CRTC1: variants seen among roughly 807,000 people sequenced by gnomAD.
CRTC1 encodes the protein CREB-regulated transcription coactivator 1.
CRTC1 carries 18 observed loss-of-function variants against 66.1 expected under a neutral mutation model. That is an observed-to-expected ratio of 0.27 (90% CI 0.19 to 0.40). CRTC1 has a LOEUF of 0.40. Among genes scored for constraint, CRTC1 ranks in the 10% least tolerant of loss-of-function variants. CRTC1 has a pLI of 1.00. For synonymous variants in CRTC1, 416 were observed against 398.8 expected (o/e 1.04, Z -0.51); for missense variants, 669 against 887.9 (o/e 0.75, Z 3.13).
At chr19:18,716,165 C>T (rs10221489) in intron 1 of CRTC1, among the ~76,000 whole-genome samples, 57,531 of 151,742 alleles carry the variant, frequency 0.38, 11,357 homozygotes, top group East Asian at 0.64. Flanking sequence ...CAGCCACAGC[C>T]CACCCTTGTT....
At chr19:18,749,243 T>A (rs1392131493) in intron 4 of CRTC1, among the ~76,000 whole-genome samples, 1 of 152,148 alleles carries the variant, frequency 6.6e-6, no homozygotes, top group East Asian at 1.9e-4. Flanking sequence ...GTGGCTTCAT[T>A]CCTTCCGGGG....
chr19:18,688,335 G>A (rs543025010), intron 1 of CRTC1, among the ~76,000 whole-genome samples: 12 of 152,234 alleles, frequency 7.9e-5, no homozygotes, highest in Non-Finnish European at 1.5e-4. Context: ...TGGCGAGTTT[G>A]AGAATGGGTG....
intron 1 of CRTC1, among the ~76,000 whole-genome samples, chr19:18,684,677 C>T (rs916484496): frequency 2.6e-5 from 4 of 151,992 alleles, no homozygotes; most frequent in Non-Finnish European, 4.4e-5. Flanking sequence ...CAGCCCCTGC[C>T]CTCTCAGGAC....
At chr19:18,731,089 G>A (rs892728447) in intron 1 of CRTC1, among the ~76,000 whole-genome samples, 1 of 152,144 alleles carries the variant, frequency 6.6e-6, no homozygotes, top group Non-Finnish European at 1.5e-5. Flanking sequence ...AAACAGTACT[G>A]CCTCTGCCTC....
rs563229106 is a variant in CRTC1 at position 18,779,971 on chromosome 19, C to G, written c.*2589C>G. ...CGGGCCTCCCAGGGGGTCTGTATCA[C>G]GGCCTTTTGTGTGTGCGTACGTGTG... On this transcript the variant is annotated 3_prime_UTR_variant, in exon 14 of 14. Coordinates refer to ENST00000321949, the MANE Select transcript of CRTC1 (RefSeq NM_015321.3). 4.4e-6 allele frequency: 1 copy of G among 229,106 alleles called. No individual in the cohort carries two copies. The allele number at this position is 229,106 out of a possible 1,614,324, so 14.2% of individuals were successfully genotyped here.
chr19:18,753,284 TAAA>T (rs1430643026), intron 5 of CRTC1, among the ~76,000 whole-genome samples: 1 of 112,026 alleles, frequency 8.9e-6, no homozygotes, highest in Non-Finnish European at 2.1e-5. Context: ...TCTAAATAAA[TAAA>T]TAAATAAATA....
chr19:18,716,559 A>G (rs10404680), intron 1 of CRTC1, among the ~76,000 whole-genome samples: 5,748 of 152,270 alleles, frequency 0.038, 381 homozygotes, highest in African/African-American at 0.13. Context: ...CGGCTCCTGC[A>G]TGACTCTTAG....
At position 18,771,654 on chromosome 19, in the gene CRTC1, GTCCT is replaced by G; in HGVS notation, c.1425+109_1425+112del. 2 of 838,992 alleles carry G rather than the reference GTCCT, an allele frequency of 2.4e-6. No individual in the cohort carries two copies. The highest frequency in any genetic ancestry group is 1.7e-5 in the African/African-American group (1 of 59,272). 52.0% of individuals were successfully genotyped at this position (838,992 alleles called of 1,614,324 possible). A position where few individuals can be genotyped will look rare whatever the true frequency, so the allele number is the denominator to read the frequency against. ...TCCTCATGCATCGCTCCTCATGCAT[GTCCT>G]CATGCATCCCATCCCGTCCACGCCA... On this transcript the variant is annotated intron_variant, in intron 11 of 13. Transcript: ENST00000321949. This position sits in a 1 kb window ranked among gnomAD's most constrained non-coding sequence, Gnocchi z 4.6.
At position 18,777,713 on chromosome 19, in the gene CRTC1, AGCTCCCGGCGTGGCGGGCAG is replaced by A. The variant is rs2145878000; in HGVS notation, c.*336_*355del. On this transcript the variant is annotated 3_prime_UTR_variant, in exon 14 of 14. Coordinates refer to ENST00000321949, the MANE Select transcript of CRTC1 (RefSeq NM_015321.3). This position sits in a 1 kb window ranked among gnomAD's most constrained non-coding sequence, Gnocchi z 5.5. ...TCCCCTGTAAGATGCGGGAAGTGTC[AGCTCCCGGCGTGGCGGGCAG>A]GCTCAGGGGAGGGGCGCGCATGGTC... 6 of 372,730 alleles carry A rather than the reference AGCTCCCGGCGTGGCGGGCAG, an allele frequency of 1.6e-5. No homozygotes were observed. Among genetic ancestry groups the A allele is most frequent in the Middle Eastern group, 7.4e-4 (1 of 1,348 alleles). The allele number at this position is 372,730 out of a possible 1,614,324, so 23.1% of individuals were successfully genotyped here. A position where few individuals can be genotyped will look rare whatever the true frequency, so the allele number is the denominator to read the frequency against.
rs955826938 is a variant in CRTC1, at chr19:18,779,713, A to T, written c.*2331A>T. ...AGAGGAGGGATGCCCACCTCGGAGC[A>T]TCCCAGGCCCGTGGCCCATTTTCAG... is the stretch of plus-strand genomic sequence containing the variant. On this transcript the variant is annotated 3_prime_UTR_variant, in exon 14 of 14. Transcript: ENST00000321949. 6 of 223,938 alleles carry T rather than the reference A, an allele frequency of 2.7e-5. No individual in the cohort carries two copies. 13.9% of individuals were successfully genotyped at this position (223,938 alleles called of 1,614,324 possible).
chr19:18,698,287 C>T (rs1342925166), intron 1 of CRTC1, among the ~76,000 whole-genome samples: 1 of 151,482 alleles, frequency 6.6e-6, no homozygotes, highest in African/African-American at 2.4e-5. Context: ...AGTAGGTGCA[C>T]AGTGTGTACT....
At chr19:18,748,689 G>A (rs1240004347) in intron 4 of CRTC1, among the ~76,000 whole-genome samples, 1 of 146,962 alleles carries the variant, frequency 6.8e-6, no homozygotes, top group African/African-American at 2.5e-5. Flanking sequence ...GGCAGAGTGA[G>A]ACCCTGTCTC....
At chr19:18,757,813 G>A (rs1005499015) in intron 6 of CRTC1, among the ~76,000 whole-genome samples, 8 of 152,074 alleles carry the variant, frequency 5.3e-5, no homozygotes, top group Admixed American at 2.6e-4. Context: ...TCAGGAGATC[G>A]AGACCATCCT....
intron 1 of CRTC1, among the ~76,000 whole-genome samples, chr19:18,716,900 A>G (rs929261095): frequency 3.3e-5 from 5 of 151,964 alleles, no homozygotes; most frequent in Non-Finnish European, 7.4e-5. Flanking sequence ...GGGGGTTCCT[A>G]AGGAAGGGAC....
At chr19:18,726,950 A>AAG (rs2053767994) in intron 1 of CRTC1, among the ~76,000 whole-genome samples, 2 of 151,264 alleles carry the variant, frequency 1.3e-5, no homozygotes, top group Admixed American at 1.3e-4. Flanking sequence ...AAAAAAAAAA[A>AAG]AAGAAGGCAA....
intron 1 of CRTC1, among the ~76,000 whole-genome samples, chr19:18,719,707 C>T (rs960978809): frequency 2.6e-5 from 4 of 152,246 alleles, no homozygotes; most frequent in African/African-American, 4.8e-5. Flanking sequence ...CCGCCTCGAC[C>T]GGAGGTGGCT....
intron 1 of CRTC1, among the ~76,000 whole-genome samples, chr19:18,728,157 G>C (rs1196430484): frequency 1.3e-5 from 2 of 152,170 alleles, no homozygotes; most frequent in African/African-American, 4.8e-5. Flanking sequence ...GATGGACCAA[G>C]GGGGACTCTG....
rs755076728 is a variant in CRTC1, at chr19:18,774,881, GC to G, written c.1426-17del. ...TGGCCTCAGGCCGTGACCACAGCAG[GC>G]CTCTCTTCTGTCTGCAGCACACTTC... On this transcript the variant is annotated intron_variant, in intron 11 of 13. Coordinates refer to ENST00000321949, the MANE Select transcript of CRTC1 (RefSeq NM_015321.3). 24 of 1,609,268 alleles carry G rather than the reference GC, an allele frequency of 1.5e-5. No individual in the cohort carries two copies. Among genetic ancestry groups the G allele is most frequent in the Non-Finnish European group, 2.0e-5 (24 of 1,179,412 alleles).
rs900007383 is a variant in CRTC1 at position 18,778,143 on chromosome 19, G to C, written c.*761G>C. On this transcript the variant is annotated 3_prime_UTR_variant, in exon 14 of 14. Transcript: ENST00000321949. ...TGCCGGGAAGTGACCGGAAGGCCCC[G>C]TGAGGGGTCGAACGCGGAGGCAGGG... The C allele has an allele frequency of 8.6e-6, 2 of 232,830 alleles. No individual in the cohort carries two copies. The highest frequency in any genetic ancestry group is 1.7e-5 in the Non-Finnish European group (2 of 117,930). The allele number at this position is 232,830 out of a possible 1,614,324, so 14.4% of individuals were successfully genotyped here. A position where few individuals can be genotyped will look rare whatever the true frequency, so the allele number is the denominator to read the frequency against.
Sources: gnomAD v4.1 joint callset for allele counts (sites outside exome capture counted in the v4.1 genomes callset) on GRCh38, gnomAD v4.1.1 for gene constraint, Gnocchi (gnomAD v3.1) non-coding constraint, MANE v1.5 for transcripts, NCBI Gene and HGNC (gene_info 2026-07-23, HGNC 2026-07-21) for gene names.